Variants in BMP6 observed in about 807,000 individuals in gnomAD.
The protein encoded by BMP6 is VG-1-R.
In BMP6, 17 loss-of-function variants were observed where a neutral mutation model predicts 54.1. The observed-to-expected ratio is 0.31, with a 90% CI of 0.22 to 0.47. The LOEUF is 0.47. Among genes scored for constraint, BMP6 ranks in the 20% least tolerant of loss-of-function variants. The pLI is 1.00. For missense variants in BMP6, 720 were observed against 690.4 expected (o/e 1.04, Z -0.48); for synonymous variants, 328 against 291.2 (o/e 1.13, Z -1.28).
At chr6:7,870,349 T>C (rs1433690928) in intron 4 of BMP6, among the ~76,000 whole-genome samples, 1 of 152,228 alleles carries the variant, frequency 6.6e-6, no homozygotes, top group African/African-American at 2.4e-5. Context: ...CCTGTTTCTC[T>C]ACCACTGATT....
chr6:7,737,487 CCTT>C (rs549559438), intron 1 of BMP6, among the ~76,000 whole-genome samples: 1,929 of 152,130 alleles, frequency 0.013, 36 homozygotes, highest in African/African-American at 0.037. Flanking sequence ...TAGGGCAGAG[CCTT>C]CTAACACCAA....
At chr6:7,816,205 G>A (rs1309558448) in intron 1 of BMP6, among the ~76,000 whole-genome samples, 1 of 152,200 alleles carries the variant, frequency 6.6e-6, no homozygotes, top group Non-Finnish European at 1.5e-5. Flanking sequence ...TATGTATTCT[G>A]ACAAATGGAT....
At chr6:7,879,319 G>C (rs1216118465) in intron 5 of BMP6, among the ~76,000 whole-genome samples, 169 bp downstream of exon 5, 2 of 152,198 alleles carry the variant, frequency 1.3e-5, no homozygotes, top group Non-Finnish European at 2.9e-5. Flanking sequence ...GAGTAAGGCA[G>C]AGGAAGCTTA....
At chr6:7,763,732 A>G (rs1380605536) in intron 1 of BMP6, among the ~76,000 whole-genome samples, 1 of 152,208 alleles carries the variant, frequency 6.6e-6, no homozygotes, top group Non-Finnish European at 1.5e-5. Context: ...TGGCAGGCTC[A>G]GATGGTGAAT....
intron 1 of BMP6, among the ~76,000 whole-genome samples, chr6:7,751,290 C>G (rs1206165747): frequency 1.3e-5 from 2 of 152,214 alleles, no homozygotes; most frequent in East Asian, 3.8e-4. Context: ...TCAGATCAAT[C>G]TCATGGGGCT....
At position 7,748,434 on chromosome 6, in the gene BMP6, C is replaced by CA. The variant is rs1324084311; in HGVS notation, c.664+20820dup. 5.3e-5 allele frequency among the ~76,000 whole-genome samples: 8 copies of CA among 152,266 alleles called. No homozygotes were observed. The East Asian group carries it at 1.5e-3, about 29-fold the overall frequency. ...TCTTATGCTAAGAGCAGGAAACCAT[C>CA]AAAAAGAAAACTGGAACAGTTTAGG... On this transcript the variant is annotated intron_variant, in intron 1 of 6. Coordinates refer to ENST00000283147, the MANE Select transcript of BMP6 (RefSeq NM_001718.6).
At chr6:7,859,444 C>T (rs773381946) in intron 2 of BMP6, among the ~76,000 whole-genome samples, 1 of 152,100 alleles carries the variant, frequency 6.6e-6, no homozygotes, top group Admixed American at 6.5e-5. Flanking sequence ...CCCGAGATTC[C>T]CACTGGGTCT....
intron 3 of BMP6, 129 bp downstream of exon 3, chr6:7,861,728 TC>T: frequency 7.4e-7 from 1 of 1,354,162 alleles, no homozygotes; most frequent in Non-Finnish European, 1.0e-6. Flanking sequence ...CATTTACTGA[TC>T]CCCCATGACT....
intron 4 of BMP6, among the ~76,000 whole-genome samples, chr6:7,868,858 G>A (rs549250719): frequency 6.6e-6 from 1 of 152,030 alleles, no homozygotes; most frequent in Non-Finnish European, 1.5e-5. Context: ...ACGACTCCCT[G>A]CCCACCTCTC....
chr6:7,853,750 G>C (rs114334612), intron 2 of BMP6, among the ~76,000 whole-genome samples: 3 of 152,054 alleles, frequency 2.0e-5, no homozygotes, highest in African/African-American at 7.3e-5. Flanking sequence ...CCTCTGTGTG[G>C]GCCTCGAGAG....
chr6:7,767,064 G>T (rs2113149584), intron 1 of BMP6, among the ~76,000 whole-genome samples: 1 of 150,498 alleles, frequency 6.6e-6, no homozygotes, highest in South Asian at 2.1e-4. Context: ...TCGGTGCACT[G>T]CAAGCTCCAC....
intron 1 of BMP6, among the ~76,000 whole-genome samples, chr6:7,762,881 T>G (rs1226102): frequency 0.62 from 93,550 of 152,080 alleles, 29,832 homozygotes; most frequent in Non-Finnish European, 0.72. Context: ...TAAGCCGCCG[T>G]GCGACGCAGA....
chr6:7,763,156 A>G (rs1429424443), intron 1 of BMP6, among the ~76,000 whole-genome samples: 1 of 152,256 alleles, frequency 6.6e-6, no homozygotes, highest in Non-Finnish European at 1.5e-5. Flanking sequence ...TGCATCTCAG[A>G]TGCGAGTTTA....
At chr6:7,820,896 T>C (rs35725332) in intron 1 of BMP6, among the ~76,000 whole-genome samples, 25,294 of 152,050 alleles carry the variant, frequency 0.17, 2,524 homozygotes, top group African/African-American at 0.28. Context: ...TCTAGATCGC[T>C]TGTGTGCCCG....
At chr6:7,835,378 C>T (rs749814388) in intron 1 of BMP6, among the ~76,000 whole-genome samples, 7 of 152,148 alleles carry the variant, frequency 4.6e-5, no homozygotes, top group African/African-American at 1.7e-4. Flanking sequence ...AGATTAGAGG[C>T]GTGAGCCACC....
intron 1 of BMP6, among the ~76,000 whole-genome samples, chr6:7,796,853 A>G (rs1161454411): frequency 1.3e-5 from 2 of 152,210 alleles, no homozygotes; most frequent in Non-Finnish European, 2.9e-5. Context: ...TTAGTGAACT[A>G]ATTCTGTGAA....
At chr6:7,847,182 C>T (rs1318469508) in intron 2 of BMP6, among the ~76,000 whole-genome samples, 1 of 152,142 alleles carries the variant, frequency 6.6e-6, no homozygotes, top group Non-Finnish European at 1.5e-5. Flanking sequence ...TGGTCCCAAC[C>T]TTTGATGACT....
At chr6:7,880,157 T>C (rs1476555875) in intron 6 of BMP6, 37 bp from the exon 7 acceptor site, 2 of 1,614,086 alleles carry the variant, frequency 1.2e-6, no homozygotes, top group East Asian at 4.5e-5. Context: ...CCAGGTGTCA[T>C]TTCTAAGGTA....
intron 1 of BMP6, among the ~76,000 whole-genome samples, chr6:7,836,300 C>T (rs1758875439): frequency 6.6e-6 from 1 of 152,202 alleles, no homozygotes; most frequent in Admixed American, 6.5e-5. Flanking sequence ...TGGATATCTT[C>T]TTAAAAAGTC....
Sources: gnomAD v4.1 joint callset for allele counts (sites outside exome capture counted in the v4.1 genomes callset) on GRCh38, gnomAD v4.1.1 for gene constraint, MANE v1.5 for transcripts, NCBI Gene and HGNC (gene_info 2026-07-23, HGNC 2026-07-21) for gene names.